ZNF784: variants seen among roughly 807,000 people sequenced by gnomAD.
ZNF784 encodes zinc finger protein 784.
Under a neutral mutation model 3.3 loss-of-function variants are expected in ZNF784, and 5 were observed. The ratio of observed to expected loss-of-function variants is 1.53; its 90% CI spans 0.80 to 3.22. The LOEUF (loss-of-function observed/expected upper bound fraction) is 3.22. Ranked by LOEUF, ZNF784 falls within the 30% of genes most tolerant of loss-of-function variation. The probability of loss-of-function intolerance (pLI) is 0.00; values close to 1 mark genes in which losing one functional copy is unlikely to be tolerated. For synonymous variants in ZNF784, 231 were observed against 219.6 expected, an observed-to-expected ratio of 1.05 and a Z score of -0.46; for missense variants, 501 against 480.7, an observed-to-expected ratio of 1.04 and a Z score of -0.39.
chr19:55,621,689 T>TC lies in ZNF784; in HGVS notation c.*61dup. 57 of 1,488,122 alleles carry TC rather than the reference T, an allele frequency of 3.8e-5. No homozygotes were observed. The highest frequency in any genetic ancestry group is 2.2e-4 in the South Asian group (19 of 85,264). The allele number at this position is 1,488,122 out of a possible 1,614,324, so 92.2% of individuals were successfully genotyped here. A position where few individuals can be genotyped will look rare whatever the true frequency, so the allele number is the denominator to read the frequency against. ...CCCCTGCCTCCGTTTCCCCACCCCG[T>TC]CCCCCTCCCCGGGTCGGCCTCGTAC... On this transcript the variant is annotated 3_prime_UTR_variant, in exon 2 of 2. Transcript: ENST00000325351. This position sits in a 1 kb window ranked among gnomAD's most constrained non-coding sequence, Gnocchi z 4.1.
In ZNF784 at chr19:55,621,536, G is replaced by GCA; in HGVS notation, c.*214_*215insTG. The GCA allele has an allele frequency of 3.0e-6, 2 of 667,080 alleles. No individual in the cohort carries two copies. Among genetic ancestry groups the GCA allele is most frequent in the Admixed American group, 5.9e-5 (2 of 34,058 alleles). 41.3% of individuals were successfully genotyped at this position (667,080 alleles called of 1,614,324 possible). A position where few individuals can be genotyped will look rare whatever the true frequency, so the allele number is the denominator to read the frequency against. On this transcript the variant is annotated 3_prime_UTR_variant, in exon 2 of 2. Transcript: ENST00000325351. The surrounding 1 kb of genome is among the most constrained non-coding windows in gnomAD (Gnocchi z 4.1). Reference sequence around the variant, plus strand: ...CAAGAGCTGCACCTGTCCTCTCCTAGGCCTGGCAGAGGTGCTGTGTGGGCG... The same window carrying GCA: ...CAAGAGCTGCACCTGTCCTCTCCTAGCAGCCTGGCAGAGGTGCTGTGTGGGCG...
rs144621561 is a variant in ZNF784, at chr19:55,623,679, G to C, written c.78+805C>G. Among the ~76,000 whole-genome samples the C allele has an allele frequency of 3.7e-3, 556 of 152,216 alleles. 3 individuals carry two copies. Among genetic ancestry groups the C allele is most frequent in the Admixed American group, 8.6e-3 (132 of 15,284 alleles). The stretch of plus-strand genomic sequence containing the variant: ...CAGCTTAAACATAAGCCGGCACCCA[G>C]CTGACTTCTCTCGTCTAAATTTAGC... On this transcript the variant is annotated intron_variant, in intron 1 of 1. Coordinates refer to ENST00000325351, the MANE Select transcript of ZNF784 (RefSeq NM_203374.2).
Position 55,621,805 on chromosome 19 carries a change from A to G in ZNF784, c.918T>C (p.Pro306=). The part of the protein sequence containing the change: ...GSGSGCGVGD[P]AEEGRGETAK... ...CGGTCTCCCCCCGCCCCTCCTCCGC[A>G]GGGTCCCCTACCCCACACCCGCTCC... The change falls in exon 2 of 2, where the codon CCT becomes CCC. Residue 306 remains proline, a synonymous_variant. Transcript: ENST00000325351. This position sits in a 1 kb window ranked among gnomAD's most constrained non-coding sequence, Gnocchi z 4.1. 7.0e-7 allele frequency: 1 copy of G among 1,420,416 alleles called. No homozygotes were observed. Among genetic ancestry groups the G allele is most frequent in the Non-Finnish European group, 9.4e-7 (1 of 1,067,702 alleles). The allele number at this position is 1,420,416 out of a possible 1,614,324, so 88.0% of individuals were successfully genotyped here.
chr19:55,621,317 C>G lies in ZNF784; in HGVS notation c.*434G>C, dbSNP rs759344629. On this transcript the variant is annotated 3_prime_UTR_variant, in exon 2 of 2. Transcript: ENST00000325351. This position sits in a 1 kb window ranked among gnomAD's most constrained non-coding sequence, Gnocchi z 4.1. ...GCAGGAGACTCCATCCTGGTCCACC[C>G]GTGGAGGACCAGAGCAGAAGACTAT... is the stretch of plus-strand genomic sequence containing the variant. The G allele has an allele frequency of 1.2e-5, 3 of 240,994 alleles. No homozygotes were observed. Among genetic ancestry groups the G allele is most frequent in the Non-Finnish European group, 2.5e-5 (3 of 120,724 alleles). 14.9% of individuals were successfully genotyped at this position (240,994 alleles called of 1,614,324 possible).
rs1371115720 is a variant in ZNF784, at chr19:55,622,853, C to T, written c.79-209G>A. 6.6e-6 allele frequency among the ~76,000 whole-genome samples: 1 copy of T among 152,092 alleles called. No individual in the cohort carries two copies. Among genetic ancestry groups the T allele is most frequent in the Non-Finnish European group, 1.5e-5 (1 of 68,026 alleles). On this transcript the variant is annotated intron_variant, in intron 1 of 1. Coordinates refer to ENST00000325351, the MANE Select transcript of ZNF784 (RefSeq NM_203374.2). The surrounding 1 kb of genome is among the most constrained non-coding windows in gnomAD (Gnocchi z 5.9). ...CTCCCTGAGTAGCTGGGATTACAGG[C>T]ATGCACCACCACATCCAGCTAGTTA...
Sources: gnomAD v4.1 joint callset for allele counts (sites outside exome capture counted in the v4.1 genomes callset) on GRCh38, gnomAD v4.1.1 for gene constraint, Gnocchi (gnomAD v3.1) non-coding constraint, MANE v1.5 for transcripts, NCBI Gene and HGNC (gene_info 2026-07-23, HGNC 2026-07-21) for gene names.